ASCC1: variants seen among roughly 807,000 people sequenced by gnomAD.
The protein encoded by ASCC1 is activating signal cointegrator 1 complex subunit 1.
A neutral mutation model predicts 46.6 loss-of-function variants in ASCC1; 35 were observed. The observed-to-expected ratio is 0.75, with a 90% confidence interval of 0.57 to 0.99. The LOEUF is 0.99. Among genes scored for constraint, ASCC1 ranks in the 50% least tolerant of loss-of-function variants. The pLI is 0.00. For missense variants in ASCC1, 376 were observed against 428.7 expected (o/e 0.88, Z 1.09); for synonymous variants, 143 against 146.6 (o/e 0.98, Z 0.18).
At chr10:72,159,789 T>TAGAA (rs1564668369) in intron 6 of ASCC1, among the ~76,000 whole-genome samples, 2 of 152,048 alleles carry the variant, frequency 1.3e-5, no homozygotes, top group African/African-American at 4.8e-5. Context: ...TCAGAAAGGA[T>TAGAA]AGAAGACTGC....
intron 5 of ASCC1, among the ~76,000 whole-genome samples, chr10:72,176,853 C>T (rs1720351706): frequency 6.6e-6 from 1 of 152,060 alleles, no homozygotes; most frequent in Non-Finnish European, 1.5e-5. Flanking sequence ...ATGCTCCCTG[C>T]CCCCATTTGC....
intron 9 of ASCC1, among the ~76,000 whole-genome samples, chr10:72,104,781 T>C (rs1842162221): frequency 6.6e-6 from 1 of 152,070 alleles, no homozygotes; most frequent in Non-Finnish European, 1.5e-5. Context: ...AAATATTTAA[T>C]GAGGAAATGG....
At chr10:72,196,673 T>C in intron 5 of ASCC1, 138 bp downstream of exon 5, 2 of 873,560 alleles carry the variant, frequency 2.3e-6, no homozygotes, top group South Asian at 3.4e-5. Context: ...CAGTTCAATA[T>C]AAGAAGCCAA....
chr10:72,210,151 CTCTTT>C (rs1357310498), intron 3 of ASCC1, among the ~76,000 whole-genome samples: 1 of 144,490 alleles, frequency 6.9e-6, no homozygotes, highest in South Asian at 2.1e-4. Flanking sequence ...CCAATGAAAC[CTCTTT>C]TCTTTTTTTT....
intron 9 of ASCC1, among the ~76,000 whole-genome samples, chr10:72,126,563 C>A (rs1844885222): frequency 6.6e-6 from 1 of 152,340 alleles, no homozygotes; most frequent in East Asian, 1.9e-4. Context: ...TGTCAAAGCA[C>A]CTCACACCTG....
At chr10:72,196,582 C>T (rs541149035) in intron 5 of ASCC1, among the ~76,000 whole-genome samples, 2 of 151,690 alleles carry the variant, frequency 1.3e-5, no homozygotes, top group South Asian at 2.1e-4. Context: ...GCGCCTGGCC[C>T]GATATGTGTT....
At chr10:72,159,638 C>T (rs948057283) in intron 6 of ASCC1, among the ~76,000 whole-genome samples, 2 of 152,162 alleles carry the variant, frequency 1.3e-5, no homozygotes, top group Admixed American at 1.3e-4. Flanking sequence ...AAGCATAATG[C>T]TTTGCTTTAT....
At chr10:72,101,923 G>A (rs1018737885) in intron 9 of ASCC1, among the ~76,000 whole-genome samples, 1 of 151,964 alleles carries the variant, frequency 6.6e-6, no homozygotes, top group Non-Finnish European at 1.5e-5. Flanking sequence ...AACACAGACC[G>A]GAGCTAAATG....
At chr10:72,122,585 A>C (rs1269206660) in intron 9 of ASCC1, among the ~76,000 whole-genome samples, 1 of 152,078 alleles carries the variant, frequency 6.6e-6, no homozygotes, top group Non-Finnish European at 1.5e-5. Context: ...CAGCCTGGAT[A>C]ACAAAGTGAA....
chr10:72,182,392 A>G (rs1261785386), intron 5 of ASCC1, among the ~76,000 whole-genome samples: 1 of 152,176 alleles, frequency 6.6e-6, no homozygotes, highest in Non-Finnish European at 1.5e-5. Context: ...ACTAGCTTCA[A>G]TGTTCTGGCT....
chr10:72,101,795 G>A (rs1841795189), intron 9 of ASCC1, among the ~76,000 whole-genome samples: 2 of 152,066 alleles, frequency 1.3e-5, no homozygotes, highest in African/African-American at 2.4e-5. Flanking sequence ...GGAGACCATG[G>A]TAGTAGTTCA....
intron 4 of ASCC1, among the ~76,000 whole-genome samples, chr10:72,202,666 T>C (rs769716898): frequency 1.3e-3 from 192 of 152,286 alleles, no homozygotes; most frequent in Non-Finnish European, 2.3e-3. Flanking sequence ...AGTCAAGTTA[T>C]ATTATTTTAA....
At chr10:72,123,520 C>T (rs777499097) in intron 9 of ASCC1, among the ~76,000 whole-genome samples, 4 of 151,920 alleles carry the variant, frequency 2.6e-5, no homozygotes, top group Non-Finnish European at 5.9e-5. Context: ...GGAGGCTGTG[C>T]GTGTGCAGGG....
At chr10:72,207,307 G>A (rs1191148432) in intron 3 of ASCC1, among the ~76,000 whole-genome samples, 3 of 152,114 alleles carry the variant, frequency 2.0e-5, no homozygotes, top group Non-Finnish European at 4.4e-5. Context: ...CCAGCTACTC[G>A]GGAGGCCGAA....
At chr10:72,135,558 G>A (rs1846085627) in intron 7 of ASCC1, among the ~76,000 whole-genome samples, 1 of 152,196 alleles carries the variant, frequency 6.6e-6, no homozygotes, top group African/African-American at 2.4e-5. Context: ...TGATGAAGTC[G>A]GAGAGGTGTG....
At chr10:72,204,937 C>A (rs745691922) in intron 3 of ASCC1, among the ~76,000 whole-genome samples, 12 of 152,186 alleles carry the variant, frequency 7.9e-5, no homozygotes, top group Non-Finnish European at 1.8e-4. Flanking sequence ...GTTCAAAGTG[C>A]TATTAATAAT....
chr10:72,191,828 A>T (rs540671651), intron 5 of ASCC1, among the ~76,000 whole-genome samples: 13 of 151,934 alleles, frequency 8.6e-5, no homozygotes, highest in African/African-American at 2.9e-4. Context: ...TTGTATTTTT[A>T]GTAGAGACGG....
intron 5 of ASCC1, among the ~76,000 whole-genome samples, chr10:72,175,530 G>C (rs1372657219): frequency 1.3e-5 from 2 of 152,134 alleles, no homozygotes; most frequent in South Asian, 2.1e-4. Flanking sequence ...TTAGAAAAAA[G>C]GGTTTTGTTT....
At chr10:72,102,539 T>C (rs1841896215) in intron 9 of ASCC1, 1 of 719,446 alleles carries the variant, frequency 1.4e-6, no homozygotes, top group Admixed American at 2.2e-5. Flanking sequence ...AAGTTGCAAA[T>C]ACATGTATTT....
Sources: gnomAD v4.1 joint callset for allele counts (sites outside exome capture counted in the v4.1 genomes callset) on GRCh38, gnomAD v4.1.1 for gene constraint, MANE v1.5 for transcripts, NCBI Gene and HGNC (gene_info 2026-07-23, HGNC 2026-07-21) for gene names.